The following RGS7 variants were observed in gnomAD, a reference collection of about 807,000 sequenced individuals.
The protein encoded by RGS7 is regulator of G-protein signaling 7.
A neutral mutation model predicts 81.1 loss-of-function variants in RGS7; 27 were observed. The ratio of observed to expected loss-of-function variants is 0.33; its 90% CI spans 0.25 to 0.46. RGS7 has a LOEUF of 0.46. RGS7 is among the 20% of genes least tolerant of loss of function. RGS7 has a pLI of 1.00. For synonymous variants in RGS7, 208 were observed against 207.7 expected, an observed-to-expected ratio of 1.00 and a Z score of -0.01; for missense variants, 396 against 607.4, an observed-to-expected ratio of 0.65 and a Z score of 3.66.
intron 3 of RGS7, among the ~76,000 whole-genome samples, chr1:240,993,203 G>A (rs1686763930): frequency 7.0e-6 from 1 of 143,620 alleles, no homozygotes; most frequent in African/African-American, 2.6e-5. Flanking sequence ...GAGGAAAGAA[G>A]GAGAGAAAAG....
intron 2 of RGS7, among the ~76,000 whole-genome samples, chr1:241,346,926 A>T (rs1482379037): frequency 6.6e-6 from 1 of 152,210 alleles, no homozygotes; most frequent in East Asian, 1.9e-4. Context: ...AAACATTGTA[A>T]TAATATTAAT....
At chr1:241,216,343 G>T (rs2074557962) in intron 2 of RGS7, among the ~76,000 whole-genome samples, 1 of 151,982 alleles carries the variant, frequency 6.6e-6, no homozygotes, top group Admixed American at 6.6e-5. Context: ...GTAAAACATG[G>T]CGTTTCATCT....
At chr1:240,908,592 C>T (rs954144951) in intron 6 of RGS7, among the ~76,000 whole-genome samples, 1 of 152,150 alleles carries the variant, frequency 6.6e-6, no homozygotes, top group African/African-American at 2.4e-5. Flanking sequence ...CCCTTCCACT[C>T]CCTCCCTGCC....
At chr1:241,097,686 C>T (rs2102878684) in intron 3 of RGS7, among the ~76,000 whole-genome samples, 1 of 152,254 alleles carries the variant, frequency 6.6e-6, no homozygotes, top group Admixed American at 6.5e-5. Flanking sequence ...CTGTGCCAGG[C>T]CATGCCCCAG....
intron 3 of RGS7, among the ~76,000 whole-genome samples, chr1:240,996,495 A>G (rs1188215581): frequency 6.6e-6 from 1 of 152,204 alleles, no homozygotes; most frequent in Non-Finnish European, 1.5e-5. Context: ...AGATACATAC[A>G]CATTTAAGTT....
chr1:241,189,344 C>G (rs1480834279), intron 2 of RGS7, among the ~76,000 whole-genome samples: 2 of 152,012 alleles, frequency 1.3e-5, no homozygotes, highest in Non-Finnish European at 2.9e-5. Flanking sequence ...TTATTTATAT[C>G]TTTGCCCTTG....
intron 2 of RGS7, among the ~76,000 whole-genome samples, chr1:241,102,861 AC>A (rs1222446951): frequency 6.6e-6 from 1 of 152,156 alleles, no homozygotes; most frequent in Non-Finnish European, 1.5e-5. Flanking sequence ...ACATAAAAAA[AC>A]ACATGCATCT....
intron 3 of RGS7, among the ~76,000 whole-genome samples, chr1:241,059,959 A>C (rs1244148364): frequency 6.6e-6 from 1 of 152,174 alleles, no homozygotes; most frequent in Non-Finnish European, 1.5e-5. Flanking sequence ...CATCATATCC[A>C]CAGTCAGTCA....
chr1:240,934,508 T>C (rs1001665173), intron 5 of RGS7, among the ~76,000 whole-genome samples: 1 of 152,168 alleles, frequency 6.6e-6, no homozygotes, highest in Admixed American at 6.5e-5. Context: ...TGGTAGACAT[T>C]ATAGTAGAAA....
At chr1:240,804,744 T>C (rs2051033) in intron 15 of RGS7, among the ~76,000 whole-genome samples, 108,805 of 152,046 alleles carry the variant, frequency 0.72, 39,392 homozygotes, top group Non-Finnish European at 0.78. Context: ...CCAGAGTTTC[T>C]GGCCTGCTCT....
At chr1:240,852,201 G>A (rs1660231469) in intron 9 of RGS7, among the ~76,000 whole-genome samples, 2 of 152,064 alleles carry the variant, frequency 1.3e-5, no homozygotes, top group Admixed American at 1.3e-4. Context: ...AGCAACCACC[G>A]CCCAGATCAG....
chr1:240,844,522 T>C (rs769348517), intron 9 of RGS7, among the ~76,000 whole-genome samples: 3 of 152,148 alleles, frequency 2.0e-5, no homozygotes, highest in African/African-American at 7.2e-5. Flanking sequence ...AACTTAATAA[T>C]AGGGGAAGCA....
Position 241,348,200 on chromosome 1 carries a change from T to C in RGS7, c.78+7499A>G, listed in dbSNP as rs147882426. On this transcript the variant is annotated intron_variant, in intron 2 of 18. Transcript: ENST00000440928. ...GCTACTATATCAGGCAGTGAGCATA[T>C]AGAACATTTCGGTCATGATAGAAAG... is the stretch of plus-strand genomic sequence containing the variant. Among the ~76,000 whole-genome samples the C allele has an allele frequency of 3.8e-3, 575 of 152,380 alleles. 3 individuals carry two copies. The highest frequency in any genetic ancestry group is 0.013 in the African/African-American group (545 of 41,588).
chr1:241,230,067 T>G (rs915436366), intron 2 of RGS7, among the ~76,000 whole-genome samples: 1 of 46,844 alleles, frequency 2.1e-5, no homozygotes, highest in Non-Finnish European at 4.7e-5. Flanking sequence ...TATATTTAAG[T>G]TTTTTTTTTT....
chr1:241,123,478 C>T (rs181209484), intron 2 of RGS7, among the ~76,000 whole-genome samples: 1 of 152,320 alleles, frequency 6.6e-6, no homozygotes, highest in Non-Finnish European at 1.5e-5. Context: ...GGGCCGGACA[C>T]GGTGGCTCAC....
At chr1:241,216,067 C>A (rs145716176) in intron 2 of RGS7, among the ~76,000 whole-genome samples, 1 of 151,664 alleles carries the variant, frequency 6.6e-6, no homozygotes, top group South Asian at 2.1e-4. Flanking sequence ...GTTAGGAGAT[C>A]GAGACCATCC....
chr1:240,969,206 A>T (rs6429229), intron 4 of RGS7, among the ~76,000 whole-genome samples: 130,273 of 152,186 alleles, frequency 0.86, 56,157 homozygotes, highest in East Asian at 1. Context: ...CTTCCTTTTT[A>T]AGGAAAGTTG....
At chr1:241,121,087 C>G (rs989440942) in intron 2 of RGS7, among the ~76,000 whole-genome samples, 5 of 152,186 alleles carry the variant, frequency 3.3e-5, no homozygotes, top group African/African-American at 7.2e-5. Context: ...CTCCATTACT[C>G]CCCTTGCCTG....
rs1426816178 is a variant in RGS7, at chr1:240,775,803, A to T, written c.*417T>A. ...ATTGATATATACTTTTTTCTTTTACAGTTCTTCCAGTTTTTGACTGACTGA... is the reference window on the plus strand; with the variant it reads ...ATTGATATATACTTTTTTCTTTTACTGTTCTTCCAGTTTTTGACTGACTGA... On this transcript the variant is annotated 3_prime_UTR_variant, in exon 19 of 19. Coordinates refer to ENST00000440928, the MANE Select transcript of RGS7 (RefSeq NM_001364886.1). 3.8e-6 allele frequency: 1 copy of T among 260,036 alleles called. No homozygotes were observed. Among genetic ancestry groups the T allele is most frequent in the Non-Finnish European group, 7.6e-6 (1 of 132,166 alleles). 16.1% of individuals were successfully genotyped at this position (260,036 alleles called of 1,614,324 possible). A position where few individuals can be genotyped will look rare whatever the true frequency, so the allele number is the denominator to read the frequency against.
Sources: allele counts gnomAD v4.1 joint callset (sites outside exome capture counted in the v4.1 genomes callset), GRCh38; gene constraint gnomAD v4.1.1; transcripts MANE v1.5; gene names NCBI Gene and HGNC (gene_info 2026-07-23, HGNC 2026-07-21).